EPHA6: variants seen among roughly 807,000 people sequenced by gnomAD.
The protein encoded by EPHA6 is EPH receptor A6.
In EPHA6, 50 loss-of-function variants were observed where a neutral mutation model predicts 112.0. That is an observed-to-expected ratio of 0.45 (90% CI 0.36 to 0.56). The LOEUF (loss-of-function observed/expected upper bound fraction) is 0.56, where lower values mean the gene tolerates loss of function less well. Among genes scored for constraint, EPHA6 ranks in the 20% least tolerant of loss-of-function variants. The pLI, the probability that EPHA6 is intolerant of heterozygous loss-of-function variation, is 0.00. For missense variants in EPHA6, 1,280 were observed against 1,417.4 expected, an observed-to-expected ratio of 0.90 and a Z score of 1.56; for synonymous variants, 529 against 490.7, an observed-to-expected ratio of 1.08 and a Z score of -1.03.
At chr3:97,252,396 T>TAC (rs139607824) in intron 5 of EPHA6, among the ~76,000 whole-genome samples, 2 of 151,808 alleles carry the variant, frequency 1.3e-5, no homozygotes, top group Non-Finnish European at 2.9e-5. Context: ...CAGAAACAGC[T>TAC]ACACACACAC....
At chr3:96,961,718 A>T (rs2041954505) in intron 2 of EPHA6, among the ~76,000 whole-genome samples, 1 of 152,206 alleles carries the variant, frequency 6.6e-6, no homozygotes, top group Non-Finnish European at 1.5e-5. Context: ...GCCTATCCAC[A>T]ATCCTACTTA....
chr3:96,968,840 A>C (rs556880619), intron 2 of EPHA6, among the ~76,000 whole-genome samples: 2 of 151,986 alleles, frequency 1.3e-5, no homozygotes, highest in South Asian at 2.1e-4. Context: ...TCTTTTCCTT[A>C]AGAAAAGATT....
chr3:96,930,992 C>CAA (rs754917681), intron 2 of EPHA6, among the ~76,000 whole-genome samples: 8 of 34,776 alleles, frequency 2.3e-4, no homozygotes, highest in African/African-American at 3.7e-4. Flanking sequence ...ACTCTGTCTC[C>CAA]AAAAAAAAAA....
intron 1 of EPHA6, among the ~76,000 whole-genome samples, chr3:96,831,093 G>A (rs537164261): frequency 4.6e-5 from 7 of 151,804 alleles, no homozygotes; most frequent in African/African-American, 9.7e-5. Flanking sequence ...ATATTCCTTC[G>A]ATATTTTTAA....
chr3:97,735,342 C>A (rs538443329), intron 15 of EPHA6, among the ~76,000 whole-genome samples: 1 of 151,868 alleles, frequency 6.6e-6, no homozygotes, highest in Non-Finnish European at 1.5e-5. Context: ...AATTAAATGA[C>A]CTTAGGAGGT....
At chr3:96,885,020 T>C (rs2037543657) in intron 2 of EPHA6, among the ~76,000 whole-genome samples, 1 of 152,228 alleles carries the variant, frequency 6.6e-6, no homozygotes, top group African/African-American at 2.4e-5. Context: ...ATGTGGTGTA[T>C]CACATTTATT....
At chr3:96,913,560 G>C (rs559515020) in intron 2 of EPHA6, among the ~76,000 whole-genome samples, 7 of 151,982 alleles carry the variant, frequency 4.6e-5, no homozygotes, top group Non-Finnish European at 1.0e-4. Context: ...CTAGCACTTT[G>C]ACTCAACCTT....
chr3:97,550,463 C>T lies in EPHA6; in HGVS notation c.2386+17920C>T, dbSNP rs1017714657. Among the ~76,000 whole-genome samples, 8 of 152,216 alleles carry T rather than the reference C, an allele frequency of 5.3e-5. No individual in the cohort carries two copies. The East Asian group carries it at 7.7e-4, about 15-fold the overall frequency. On this transcript the variant is annotated intron_variant, in intron 11 of 17. Transcript: ENST00000389672. The stretch of plus-strand genomic sequence containing the variant: ...TCCCCATATTAAAGTGGTGTCTCTT[C>T]GTCCAAACACCAAATCTTTAACCCA...
chr3:97,748,590 C>T lies in EPHA6; in HGVS notation c.3282C>T (p.Asp1094=). The part of the protein sequence containing the change: ...FDLISRMSID[D]IRRIGVILIG... ...CTTGCTCTCTCCTTTCTTTCAGTGA[C>T]ATTAGAAGAATTGGAGTCATACTTA... Residue 1094 remains aspartate (D), a synonymous_variant, in exon 18 of 18, where the codon GAC becomes GAT. Coordinates refer to ENST00000389672, the MANE Select transcript of EPHA6 (RefSeq NM_001080448.3). 6.4e-7 allele frequency: 1 copy of T among 1,567,124 alleles called. No homozygotes were observed. The highest frequency in any genetic ancestry group is 1.1e-5 in the South Asian group (1 of 89,398).
chr3:96,856,570 T>C (rs2035711775), intron 1 of EPHA6, among the ~76,000 whole-genome samples: 3 of 152,154 alleles, frequency 2.0e-5, no homozygotes, highest in Admixed American at 2.0e-4. Flanking sequence ...GCAAATAGTG[T>C]CTTAAATACT....
intron 2 of EPHA6, among the ~76,000 whole-genome samples, chr3:96,929,409 C>G (rs1326664276): frequency 6.6e-6 from 1 of 152,148 alleles, no homozygotes. Flanking sequence ...CCTTCAGGAG[C>G]CCTTGCAAGG....
chr3:97,109,413 T>C (rs2047656180), intron 3 of EPHA6, among the ~76,000 whole-genome samples: 2 of 152,162 alleles, frequency 1.3e-5, no homozygotes, highest in South Asian at 4.1e-4. Flanking sequence ...TTCAGCCCAG[T>C]GGAACTAAAT....
intron 14 of EPHA6, among the ~76,000 whole-genome samples, chr3:97,658,748 A>C (rs1399129661): frequency 6.6e-6 from 1 of 151,876 alleles, no homozygotes; most frequent in Non-Finnish European, 1.5e-5. Flanking sequence ...TCTCCAGATC[A>C]CTTTATTAAA....
chr3:97,613,028 T>G (rs1483092266), intron 13 of EPHA6, among the ~76,000 whole-genome samples: 1 of 151,980 alleles, frequency 6.6e-6, no homozygotes, highest in Non-Finnish European at 1.5e-5. Flanking sequence ...GTGTCCCCTT[T>G]GCACGTAGAG....
intron 5 of EPHA6, among the ~76,000 whole-genome samples, chr3:97,338,851 G>T (rs1237693680): frequency 1.3e-5 from 2 of 152,164 alleles, no homozygotes; most frequent in East Asian, 1.9e-4. Flanking sequence ...AACATTTCAT[G>T]TGATCAAAAG....
intron 2 of EPHA6, among the ~76,000 whole-genome samples, chr3:96,972,709 A>G (rs2042363792): frequency 6.6e-6 from 1 of 152,032 alleles, no homozygotes; most frequent in African/African-American, 2.4e-5. Flanking sequence ...CTGAAGGTAA[A>G]TGCTCTTTTC....
chr3:96,933,846 G>A (rs2040452751), intron 2 of EPHA6, among the ~76,000 whole-genome samples: 1 of 151,914 alleles, frequency 6.6e-6, no homozygotes, highest in African/African-American at 2.4e-5. Context: ...TATGTTTTGG[G>A]TAACATAAAG....
At chr3:97,263,097 T>C (rs2079553924) in intron 5 of EPHA6, among the ~76,000 whole-genome samples, 2 of 152,214 alleles carry the variant, frequency 1.3e-5, no homozygotes, top group African/African-American at 4.8e-5. Context: ...AAATACTCTG[T>C]ATAATTAGCA....
intron 1 of EPHA6, among the ~76,000 whole-genome samples, chr3:96,834,657 T>C (rs1018276362): frequency 6.6e-6 from 1 of 151,974 alleles, no homozygotes; most frequent in Non-Finnish European, 1.5e-5. Flanking sequence ...AAAGCAGAGA[T>C]AGCTTACTGT....
Sources: allele counts gnomAD v4.1 joint callset (sites outside exome capture counted in the v4.1 genomes callset), GRCh38; gene constraint gnomAD v4.1.1; transcripts MANE v1.5; gene names NCBI Gene and HGNC (gene_info 2026-07-23, HGNC 2026-07-21).